Variants in SBF2 observed in about 807,000 individuals in gnomAD.
The protein encoded by SBF2 is SET binding factor 2, also known as myotubularin-related protein 13.
A neutral mutation model predicts 225.2 loss-of-function variants in SBF2; 112 were observed. The observed-to-expected ratio is 0.50, with a 90% confidence interval of 0.43 to 0.58. SBF2 has a LOEUF of 0.58. Ranked by LOEUF, SBF2 falls within the 20% of genes least tolerant of loss-of-function variation. The pLI, the probability that SBF2 is intolerant of heterozygous loss-of-function variation, is 0.00. For missense variants in SBF2, 1,996 were observed against 2,206.2 expected, an observed-to-expected ratio of 0.90 and a Z score of 1.91; for synonymous variants, 763 against 773.3, an observed-to-expected ratio of 0.99 and a Z score of 0.22.
chr11:9,850,039 T>G lies in SBF2; in HGVS notation c.2790A>C (p.Thr930=), dbSNP rs747663774. ...LTTYRILFRG[T]PHDQLVGEQT... is the part of the protein sequence containing the mutation. ...GAGTCATACCTAACTGATCATGGGGTGTTCCTCTGAAGAGAATTCTGTATG... is the reference window on the plus strand; with the variant it reads ...GAGTCATACCTAACTGATCATGGGGGGTTCCTCTGAAGAGAATTCTGTATG... Residue 930 remains threonine, a synonymous_variant, in exon 22 of 40, where the codon ACA becomes ACC. Transcript: ENST00000256190. The G allele has an allele frequency of 6.2e-7, 1 of 1,614,018 alleles. No individual in the cohort carries two copies. The highest frequency in any genetic ancestry group is 8.5e-7 in the Non-Finnish European group (1 of 1,179,962).
At chr11:9,837,664 G>A (rs533188181) in intron 26 of SBF2, among the ~76,000 whole-genome samples, 63 of 152,142 alleles carry the variant, frequency 4.1e-4, no homozygotes, top group South Asian at 1.0e-3. Flanking sequence ...GTAGTTTTGC[G>A]TGGTATATTT....
At chr11:10,091,958 G>C (rs773395111) in intron 2 of SBF2, among the ~76,000 whole-genome samples, 1 of 152,154 alleles carries the variant, frequency 6.6e-6, no homozygotes, top group Non-Finnish European at 1.5e-5. Flanking sequence ...ATTTGGATTA[G>C]TCAAGTAATA....
intron 2 of SBF2, among the ~76,000 whole-genome samples, chr11:10,150,133 T>G (rs756103863): frequency 3.9e-5 from 6 of 152,100 alleles, no homozygotes; most frequent in Non-Finnish European, 5.9e-5. Context: ...AATTGCATAC[T>G]CTTATCTATG....
At chr11:9,892,867 AC>A (rs5789625) in intron 17 of SBF2, among the ~76,000 whole-genome samples, 28,104 of 152,008 alleles carry the variant, frequency 0.18, 2,942 homozygotes, top group Non-Finnish European at 0.23. Flanking sequence ...TATATACATA[AC>A]TTTTACTTAA....
intron 2 of SBF2, among the ~76,000 whole-genome samples, chr11:10,123,792 T>G (rs1953600518): frequency 6.6e-6 from 1 of 152,220 alleles, no homozygotes; most frequent in South Asian, 2.1e-4. Flanking sequence ...AATAGCTTTT[T>G]AAAATAAAAA....
intron 2 of SBF2, among the ~76,000 whole-genome samples, chr11:10,046,895 A>C (rs1565170618): frequency 1.3e-5 from 2 of 150,796 alleles, no homozygotes; most frequent in Non-Finnish European, 3.0e-5. Context: ...AAAAAAAAAA[A>C]CCCATCCCTG....
chr11:9,996,578 T>C (rs1947713375), intron 9 of SBF2, among the ~76,000 whole-genome samples: 1 of 151,656 alleles, frequency 6.6e-6, no homozygotes, highest in African/African-American at 2.4e-5. Context: ...TTAGTAGAGA[T>C]GGGGGTTTCA....
rs767740032 is a variant in SBF2 at position 9,990,694 on chromosome 11, G to A, written c.1297-1099C>T. ...AAGGGGTGACTCAGTAGGAACCTTG[G>A]ACAGAGTCCTTGCCTTATCATTGTT... On this transcript the variant is annotated intron_variant, in intron 12 of 39. Coordinates refer to ENST00000256190, the MANE Select transcript of SBF2 (RefSeq NM_030962.4). 2.6e-5 allele frequency among the ~76,000 whole-genome samples: 4 copies of A among 152,140 alleles called. No individual in the cohort carries two copies. In the South Asian group the frequency reaches 6.2e-4, roughly 24 times the overall value.
chr11:10,259,599 C>T (rs72850458), intron 1 of SBF2, among the ~76,000 whole-genome samples: 16,010 of 152,092 alleles, frequency 0.11, 987 homozygotes, highest in Non-Finnish European at 0.11. Flanking sequence ...ACCCTTTGTA[C>T]TTTTTATAGA....
chr11:9,850,963 C>T (rs1590220714), intron 21 of SBF2, among the ~76,000 whole-genome samples: 1 of 151,964 alleles, frequency 6.6e-6, no homozygotes, highest in Admixed American at 6.6e-5. Context: ...TAGTGAAACC[C>T]TGCCTCTACT....
chr11:9,902,438 C>T (rs117579816), intron 16 of SBF2, among the ~76,000 whole-genome samples: 258 of 152,308 alleles, frequency 1.7e-3, no homozygotes, highest in Middle Eastern at 3.4e-3. Context: ...TAGGACGAAC[C>T]AAGGTACACC....
intron 17 of SBF2, among the ~76,000 whole-genome samples, chr11:9,876,536 C>T (rs1292295024): frequency 1.3e-5 from 2 of 152,210 alleles, no homozygotes; most frequent in African/African-American, 4.8e-5. Flanking sequence ...CTCTCCCTCT[C>T]TCCCCACTGC....
At chr11:10,221,230 G>A (rs1013058636) in intron 1 of SBF2, among the ~76,000 whole-genome samples, 1 of 150,400 alleles carries the variant, frequency 6.6e-6, no homozygotes, top group African/African-American at 2.5e-5. Flanking sequence ...TGATTCTCCT[G>A]TCTCAGCCTC....
chr11:10,147,216 G>A (rs1351133598), intron 2 of SBF2, among the ~76,000 whole-genome samples: 1 of 151,954 alleles, frequency 6.6e-6, no homozygotes, highest in East Asian at 1.9e-4. Context: ...TCCCATTAGT[G>A]GGTATATACC....
intron 16 of SBF2, among the ~76,000 whole-genome samples, chr11:9,922,143 G>A (rs1368577655): frequency 2.0e-5 from 3 of 152,190 alleles, no homozygotes; most frequent in African/African-American, 7.2e-5. Flanking sequence ...CTACTCAGGA[G>A]GCTGAGGTGG....
chr11:10,028,342 A>C (rs1234089546), intron 6 of SBF2, 110 bp downstream of exon 6: 2 of 746,186 alleles, frequency 2.7e-6, no homozygotes, highest in Non-Finnish European at 4.8e-6. Context: ...AAAATATTTA[A>C]TGGTTTAAAA....
At chr11:10,178,036 C>T (rs1423499787) in intron 2 of SBF2, among the ~76,000 whole-genome samples, 2 of 146,880 alleles carry the variant, frequency 1.4e-5, no homozygotes, top group Non-Finnish European at 3.0e-5. Flanking sequence ...AGAAATAACA[C>T]CACATATCTA....
At chr11:9,944,039 C>T (rs751330633) in intron 16 of SBF2, among the ~76,000 whole-genome samples, 49 of 152,078 alleles carry the variant, frequency 3.2e-4, no homozygotes, top group African/African-American at 1.1e-3. Context: ...ATAAATAAGC[C>T]GTAACTACAT....
At chr11:10,297,657 T>A (rs1473938077), upstream of SBF2, among the ~76,000 whole-genome samples, 1 of 152,240 alleles carries the variant, frequency 6.6e-6, no homozygotes, top group African/African-American at 2.4e-5. Flanking sequence ...AGTTTATTGT[T>A]TTTAAGCCTA....
Sources: gnomAD v4.1 joint callset for allele counts (sites outside exome capture counted in the v4.1 genomes callset) on GRCh38, gnomAD v4.1.1 for gene constraint, MANE v1.5 for transcripts, NCBI Gene and HGNC (gene_info 2026-07-23, HGNC 2026-07-21) for gene names.